NUGGC: variants seen among roughly 807,000 people sequenced by gnomAD.
NUGGC encodes nuclear GTPase SLIP-GC.
In NUGGC, 58 loss-of-function variants were observed where a neutral mutation model predicts 92.6. The observed-to-expected ratio is 0.63, with a 90% CI of 0.51 to 0.78. The LOEUF (loss-of-function observed/expected upper bound fraction) is 0.78. NUGGC is among the 30% of genes least tolerant of loss of function. The pLI is 0.00. For missense variants in NUGGC, 925 were observed against 964.6 expected (o/e 0.96, Z 0.54); for synonymous variants, 376 against 366.4 (o/e 1.03, Z -0.30).
At chr8:28,057,878 A>T (rs1810187601) in intron 9 of NUGGC, among the ~76,000 whole-genome samples, 1 of 152,154 alleles carries the variant, frequency 6.6e-6, no homozygotes, top group Non-Finnish European at 1.5e-5. Flanking sequence ...AATATCAGTC[A>T]TAAAAAGTAT....
At chr8:28,033,355 C>T (rs1809470374) in intron 14 of NUGGC, among the ~76,000 whole-genome samples, 185 bp downstream of exon 14, 1 of 152,168 alleles carries the variant, frequency 6.6e-6, no homozygotes, top group African/African-American at 2.4e-5. Context: ...GTGTCCAGGT[C>T]ATCATGGGAA....
chr8:28,050,010 C>G (rs1014164754), intron 10 of NUGGC, among the ~76,000 whole-genome samples: 3 of 151,974 alleles, frequency 2.0e-5, no homozygotes, highest in African/African-American at 7.3e-5. Flanking sequence ...TTCCTTGAGC[C>G]TGGGAAGCAG....
chr8:28,082,354 T>C (rs962318012), intron 1 of NUGGC, among the ~76,000 whole-genome samples: 1 of 152,238 alleles, frequency 6.6e-6, no homozygotes, highest in African/African-American at 2.4e-5. Flanking sequence ...CATAACGTAC[T>C]TTAGCAGATT....
intron 2 of NUGGC, among the ~76,000 whole-genome samples, chr8:28,073,724 A>G (rs1228322047): frequency 1.3e-5 from 2 of 152,150 alleles, no homozygotes; most frequent in Admixed American, 6.5e-5. Flanking sequence ...CTTCTACGGA[A>G]AGCCGCCTAA....
rs143280136 is a variant in NUGGC at position 28,035,974 on chromosome 8, C to T, written c.1612-2277G>A. Among the ~76,000 whole-genome samples, 496 of 152,352 alleles carry T rather than the reference C, an allele frequency of 3.3e-3. 3 individuals carry two copies. The highest frequency in any genetic ancestry group is 0.011 in the African/African-American group (477 of 41,584). ...CATAGCTCACTGCAGCCTCCAACAC[C>T]TGGGCTCAGGTGATCCTCCTGCCTC... On this transcript the variant is annotated intron_variant, in intron 13 of 18. Transcript: ENST00000413272.
intron 2 of NUGGC, among the ~76,000 whole-genome samples, chr8:28,071,385 T>G (rs144115772): frequency 6.6e-6 from 1 of 152,138 alleles, no homozygotes; most frequent in East Asian, 1.9e-4. Flanking sequence ...CACATCTTCT[T>G]GAGCCTCAAT....
At chr8:28,083,305 C>T (rs1324525688) in intron 1 of NUGGC, among the ~76,000 whole-genome samples, 3 of 152,142 alleles carry the variant, frequency 2.0e-5, no homozygotes, top group Non-Finnish European at 2.9e-5. Context: ...ACTCCTTCCC[C>T]AAAACCCATA....
intron 1 of NUGGC, among the ~76,000 whole-genome samples, chr8:28,080,538 T>C (rs1008469221): frequency 6.6e-5 from 10 of 152,144 alleles, no homozygotes; most frequent in Admixed American, 2.6e-4. Flanking sequence ...TCATTAACAT[T>C]GGTTTACTCT....
chr8:28,031,204 C>T (rs1190450984), intron 15 of NUGGC, 39 bp downstream of exon 15: 2 of 1,611,884 alleles, frequency 1.2e-6, no homozygotes, highest in Non-Finnish European at 1.7e-6. Flanking sequence ...GAAAGCCATG[C>T]CCAACCTCAC....
In NUGGC at chr8:28,070,256, C is replaced by T; in HGVS notation, c.144G>A (p.Lys48=). The change falls in exon 3 of 19, where the codon AAG becomes AAA. Residue 48 remains lysine (K), a synonymous_variant. Transcript: ENST00000413272. ...CAACAGTTCCAAGACACTCACATTC[C>T]TTAAGAGCACTCTGCTCCATGGAGG... ...AFPSMEQSAL[K]EYEKLESRTR... The T allele has an allele frequency of 6.5e-7, 1 of 1,548,618 alleles. No individual in the cohort carries two copies. The highest frequency in any genetic ancestry group is 8.8e-7 in the Non-Finnish European group (1 of 1,142,856).
chr8:28,072,582 T>A (rs902564211), intron 2 of NUGGC, among the ~76,000 whole-genome samples: 1 of 152,192 alleles, frequency 6.6e-6, no homozygotes. Context: ...TTGTAAGGAC[T>A]GGCAACGAAT....
In NUGGC at chr8:28,029,303, G is replaced by A. The variant is rs768604595; in HGVS notation, c.2117C>T (p.Ala706Val). The part of the protein sequence containing the change: ...RQVAEGMFER[A>V]QERMQHQFQQ... ...AAACTGGTGCTGCATCCTTTCCTGG[G>A]CCCTTTCAAACATGCCCTCAGCCAC... The change falls in exon 17 of 19, where the codon GCC becomes GTC. Residue 706 changes from alanine (A) to valine (V), a missense_variant. Transcript: ENST00000413272. The A allele has an allele frequency of 6.2e-7, 1 of 1,607,492 alleles. No homozygotes were observed. Among genetic ancestry groups the A allele is most frequent in the South Asian group, 1.1e-5 (1 of 89,350 alleles).
chr8:28,057,292 A>G (rs1347784917), intron 9 of NUGGC, among the ~76,000 whole-genome samples: 1 of 144,840 alleles, frequency 6.9e-6, no homozygotes. Flanking sequence ...ACGGTGCCGT[A>G]TTGTAAATGT....
At chr8:28,039,392 C>G (rs1398805093) in intron 13 of NUGGC, among the ~76,000 whole-genome samples, 2 of 152,190 alleles carry the variant, frequency 1.3e-5, no homozygotes, top group East Asian at 3.9e-4. Flanking sequence ...CCACCACACC[C>G]GACTAGTTTT....
intron 10 of NUGGC, among the ~76,000 whole-genome samples, chr8:28,055,448 G>A (rs368792613): frequency 1.3e-5 from 2 of 152,006 alleles, no homozygotes; most frequent in Non-Finnish European, 2.9e-5. Flanking sequence ...ATGCTCATTC[G>A]ACCCTCTCAA....
chr8:28,069,622 AC>A lies in NUGGC; in HGVS notation c.178del (p.Val60PhefsTer2), dbSNP rs1465087406. ...YEKLESRTRRVLSNTYQKLIQ... is the reference protein window; with the variant it reads ...YEKLESRTRRXLSNTYQKLIQ... ...AAGTTTCTGATAAGTGTTGCTCAAA[AC>A]CCTTCTGGTCCGTGATTCCAATTTT... On this transcript the variant is annotated frameshift_variant, in exon 4 of 19. Coordinates refer to ENST00000413272, the MANE Select transcript of NUGGC (RefSeq NM_001010906.2). LOFTEE classifies it high-confidence loss of function. The A allele has an allele frequency of 1.2e-6, 2 of 1,611,252 alleles. No individual in the cohort carries two copies. The highest frequency in any genetic ancestry group is 1.1e-5 in the South Asian group (1 of 91,016).
intron 12 of NUGGC, 106 bp downstream of exon 12, chr8:28,045,421 C>T: frequency 3.6e-6 from 4 of 1,100,928 alleles, no homozygotes; most frequent in Non-Finnish European, 5.1e-6. Flanking sequence ...TCATATCTTC[C>T]TTTAATATGA....
chr8:28,076,480 A>G (rs1342035516), intron 1 of NUGGC, among the ~76,000 whole-genome samples: 1 of 152,278 alleles, frequency 6.6e-6, no homozygotes, highest in Non-Finnish European at 1.5e-5. Context: ...CAATTTTAGT[A>G]GAGATGGGGT....
At chr8:28,080,307 T>C (rs1434843186) in intron 1 of NUGGC, among the ~76,000 whole-genome samples, 3 of 152,204 alleles carry the variant, frequency 2.0e-5, no homozygotes, top group African/African-American at 7.2e-5. Context: ...AGAGAGACTA[T>C]CAGAGGAATA....
Sources: gnomAD v4.1 joint callset for allele counts (sites outside exome capture counted in the v4.1 genomes callset) on GRCh38, gnomAD v4.1.1 for gene constraint, MANE v1.5 for transcripts, NCBI Gene and HGNC (gene_info 2026-07-23, HGNC 2026-07-21) for gene names.